CRISPLD1: variants seen among roughly 807,000 people sequenced by gnomAD.
CRISPLD1 encodes the protein cysteine-rich secretory protein LCCL domain-containing 1.
CRISPLD1 carries 60 observed loss-of-function variants against 77.5 expected under a neutral mutation model. That is an observed-to-expected ratio of 0.77 (90% confidence interval 0.63 to 0.96). The LOEUF (loss-of-function observed/expected upper bound fraction) is 0.96, where lower values mean the gene tolerates loss of function less well. Among genes scored for constraint, CRISPLD1 ranks in the 40% least tolerant of loss-of-function variants. CRISPLD1 has a pLI of 0.00. For missense variants in CRISPLD1, 623 were observed against 615.8 expected (o/e 1.01, Z -0.12); for synonymous variants, 195 against 200.1 (o/e 0.97, Z 0.22).
chr8:75,000,876 G>T (rs573555770), intron 2 of CRISPLD1, among the ~76,000 whole-genome samples: 57 of 152,160 alleles, frequency 3.7e-4, no homozygotes, highest in Non-Finnish European at 6.5e-4. Context: ...ATGAAAAGAT[G>T]ACTAGATTTT....
chr8:75,013,844 G>T (rs1266008585), intron 4 of CRISPLD1, 143 bp from the exon 5 acceptor site: 2 of 596,152 alleles, frequency 3.4e-6, no homozygotes, highest in South Asian at 2.2e-5. Context: ...TCAGGAAAAA[G>T]ACCCTTTTTG....
chr8:75,012,401 T>C lies in CRISPLD1; in HGVS notation c.259-32T>C, dbSNP rs763782181. ...TCTGCAGAAGTGTCCAAATGCTACA[T>C]GTGCACATTTTGCTTTTGTTTTAAA... On this transcript the variant is annotated intron_variant, in intron 2 of 14. Transcript: ENST00000262207. 1.7e-5 allele frequency: 22 copies of C among 1,270,606 alleles called. 1 individual carries two copies. The South Asian group carries it at 1.8e-4, about 10-fold the overall frequency. The allele number at this position is 1,270,606 out of a possible 1,614,324, so 78.7% of individuals were successfully genotyped here. A position where few individuals can be genotyped will look rare whatever the true frequency, so the allele number is the denominator to read the frequency against.
rs1317933330 is a variant in CRISPLD1 at position 75,012,953 on chromosome 8, A to T, written c.441A>T (p.Pro147=). 1.9e-6 allele frequency: 3 copies of T among 1,613,012 alleles called. No homozygotes were observed. Among genetic ancestry groups the T allele is most frequent in the Non-Finnish European group, 2.5e-6 (3 of 1,179,354 alleles). The stretch of plus-strand genomic sequence containing the variant: ...ATGAAGTGAAAGACTTTAGCTACCC[A>T]TATGAACATGAATGCAACCCATATT... ...WYDEVKDFSY[P]YEHECNPYCP... The change falls in exon 4 of 15, where the codon CCA becomes CCT. Residue 147 remains proline (P), a synonymous_variant. Transcript: ENST00000262207.
chr8:74,988,993 A>G (rs542338419), intron 2 of CRISPLD1, among the ~76,000 whole-genome samples: 1 of 152,350 alleles, frequency 6.6e-6, no homozygotes, highest in Admixed American at 6.5e-5. Flanking sequence ...GGAGCACAGA[A>G]CAAATGGAAC....
At chr8:75,014,689 T>C (rs1812995009) in intron 5 of CRISPLD1, 123 bp from the exon 6 acceptor site, 1 of 591,232 alleles carries the variant, frequency 1.7e-6, no homozygotes, top group Admixed American at 3.7e-5. Flanking sequence ...ATAAATTATA[T>C]GAATGTCTTA....
rs1185619646 is a variant in CRISPLD1 at position 75,034,277 on chromosome 8, AC to A, written c.*2037del. 2 of 152,048 alleles carry A rather than the reference AC, an allele frequency of 1.3e-5. No homozygotes were observed. Among genetic ancestry groups the A allele is most frequent in the African/African-American group, 2.4e-5 (1 of 41,438 alleles). 9.4% of individuals were successfully genotyped at this position (152,048 alleles called of 1,614,324 possible). ...TGGGTAAGTTATTTAACTTCAATTT[AC>A]CTTACCTGTAAAATGGAACAAATAA... On this transcript the variant is annotated 3_prime_UTR_variant, in exon 15 of 15. Coordinates refer to ENST00000262207, the MANE Select transcript of CRISPLD1 (RefSeq NM_031461.6).
chr8:74,986,631 A>G (rs1379984816), intron 2 of CRISPLD1, among the ~76,000 whole-genome samples: 2 of 152,224 alleles, frequency 1.3e-5, no homozygotes. Flanking sequence ...TAATAATCGG[A>G]AGAAACTTTC....
At chr8:75,017,238 A>T (rs1165919404) in intron 9 of CRISPLD1, 82 bp from the exon 10 acceptor site, 3 of 1,547,356 alleles carry the variant, frequency 1.9e-6, no homozygotes, top group Non-Finnish European at 2.7e-6. Context: ...TTTAATTGAA[A>T]GTCACATAAG....
chr8:75,011,712 TTTATG>T (rs1241454296), intron 2 of CRISPLD1, among the ~76,000 whole-genome samples: 2 of 152,154 alleles, frequency 1.3e-5, no homozygotes, highest in African/African-American at 4.8e-5. Context: ...CTACATATAT[TTTATG>T]AGAATCAGAT....
intron 2 of CRISPLD1, among the ~76,000 whole-genome samples, chr8:75,008,174 C>A (rs1461466343): frequency 6.6e-6 from 1 of 152,164 alleles, no homozygotes; most frequent in Non-Finnish European, 1.5e-5. Flanking sequence ...GAACAACTTT[C>A]AGATGTAGTT....
At chr8:75,028,193 T>G (rs1813267806) in intron 13 of CRISPLD1, among the ~76,000 whole-genome samples, 1 of 152,148 alleles carries the variant, frequency 6.6e-6, no homozygotes, top group African/African-American at 2.4e-5. Context: ...AGAAAATGTC[T>G]TTGAGTAAGG....
rs370840365 is a variant in CRISPLD1, at chr8:75,013,713, AG to A, written c.511-272del. 7.0e-4 allele frequency among the ~76,000 whole-genome samples: 106 copies of A among 152,278 alleles called. 1 individual carries two copies. In the South Asian group the frequency reaches 0.014, roughly 21 times the overall value. On this transcript the variant is annotated intron_variant, in intron 4 of 14. Transcript: ENST00000262207. ...ATGTTAATATGACATTAGGTTTGTG[AG>A]GATGTAACTTTTGAATTATTTACTA...
rs1362679035 is a variant in CRISPLD1, at chr8:74,984,921, G to A, written c.-63+1G>A. 3 of 152,142 alleles carry A rather than the reference G, an allele frequency of 2.0e-5. No homozygotes were observed. Among genetic ancestry groups the A allele is most frequent in the Non-Finnish European group, 4.4e-5 (3 of 68,086 alleles). The allele number at this position is 152,142 out of a possible 1,614,324, so 9.4% of individuals were successfully genotyped here. A position where few individuals can be genotyped will look rare whatever the true frequency, so the allele number is the denominator to read the frequency against. On this transcript the variant is annotated splice_donor_variant, in intron 1 of 14. Coordinates refer to ENST00000262207, the MANE Select transcript of CRISPLD1 (RefSeq NM_031461.6). LOFTEE classifies it low-confidence loss of function (5UTR_SPLICE). ...TCCCAGGAAACTTCACACTGGAGAG[G>A]TAAGGGCGATTCTAAAATGCATCGC... is the stretch of plus-strand genomic sequence containing the variant.
Position 75,014,833 on chromosome 8 carries a change from C to G in CRISPLD1, c.648C>G (p.Ala216=), listed in dbSNP as rs578178923. ...AAAGGGGAAACTGGTGGGGCCATGC[C>G]CCTTACAAACATGGGCGGCCCTGTT... The part of the protein sequence containing the change: ...YSPKGNWWGH[A]PYKHGRPCSA... Residue 216 remains alanine, a synonymous_variant, in exon 6 of 15, where the codon GCC becomes GCG. Coordinates refer to ENST00000262207, the MANE Select transcript of CRISPLD1 (RefSeq NM_031461.6). 6.3e-7 allele frequency: 1 copy of G among 1,595,020 alleles called. No individual in the cohort carries two copies. Among genetic ancestry groups the G allele is most frequent in the South Asian group, 1.1e-5 (1 of 88,568 alleles).
At chr8:74,995,630 A>C (rs1346929394) in intron 2 of CRISPLD1, among the ~76,000 whole-genome samples, 2 of 152,184 alleles carry the variant, frequency 1.3e-5, no homozygotes, top group South Asian at 2.1e-4. Context: ...ATGTGCCACT[A>C]GGCCCAGCTA....
chr8:75,020,204 A>G lies in CRISPLD1; in HGVS notation c.1244+125A>G, dbSNP rs76924206. The G allele has an allele frequency of 6.7e-3, 4,867 of 728,890 alleles. 38 individuals are homozygous for G. The highest frequency in any genetic ancestry group is 8.5e-3 in the Non-Finnish European group (3,592 of 421,856). 45.2% of individuals were successfully genotyped at this position (728,890 alleles called of 1,614,324 possible). On this transcript the variant is annotated intron_variant, in intron 12 of 14. Coordinates refer to ENST00000262207, the MANE Select transcript of CRISPLD1 (RefSeq NM_031461.6). ...TCTAAGCAGGAGGGAGCAATGAAACATCATAAACTACATGCACTCCAGGCA... is the reference window on the plus strand; with the variant it reads ...TCTAAGCAGGAGGGAGCAATGAAACGTCATAAACTACATGCACTCCAGGCA...
intron 2 of CRISPLD1, among the ~76,000 whole-genome samples, chr8:74,998,908 TAATC>T (rs1362328255): frequency 6.6e-6 from 1 of 151,838 alleles, no homozygotes; most frequent in Non-Finnish European, 1.5e-5. Flanking sequence ...TAGAACGAGA[TAATC>T]AAAGACATGT....
rs976606975 is a variant in CRISPLD1, at chr8:75,014,183, A to G, written c.626+81A>G. The stretch of plus-strand genomic sequence containing the variant: ...ACCTTTACGTTCCTGATTGTTCCCC[A>G]TTTTCAGTGTGTATCACTGAAGTGT... On this transcript the variant is annotated intron_variant, in intron 5 of 14. Coordinates refer to ENST00000262207, the MANE Select transcript of CRISPLD1 (RefSeq NM_031461.6). 7.9e-5 allele frequency: 69 copies of G among 877,952 alleles called. 1 individual carries two copies. Among genetic ancestry groups the G allele is most frequent in the Admixed American group, 5.5e-4 (28 of 50,970 alleles). The allele number at this position is 877,952 out of a possible 1,614,324, so 54.4% of individuals were successfully genotyped here.
At chr8:75,029,200 C>T (rs1813287804) in intron 13 of CRISPLD1, among the ~76,000 whole-genome samples, 187 bp from the exon 14 acceptor site, 1 of 152,162 alleles carries the variant, frequency 6.6e-6, no homozygotes. Flanking sequence ...AGACTTGCTC[C>T]AAATTGGCTT....
Sources: gnomAD v4.1 joint callset for allele counts (sites outside exome capture counted in the v4.1 genomes callset) on GRCh38, gnomAD v4.1.1 for gene constraint, MANE v1.5 for transcripts, NCBI Gene and HGNC (gene_info 2026-07-23, HGNC 2026-07-21) for gene names.